PTPRD: variants seen among roughly 807,000 people sequenced by gnomAD.
The protein encoded by PTPRD is protein tyrosine phosphatase receptor type D, also known as receptor-type tyrosine-protein phosphatase delta.
Under a neutral mutation model 214.5 loss-of-function variants are expected in PTPRD, and 34 were observed. That is an observed-to-expected ratio of 0.16 (90% confidence interval 0.12 to 0.21). The LOEUF (loss-of-function observed/expected upper bound fraction) is 0.21, where lower values mean the gene tolerates loss of function less well. Among genes scored for constraint, PTPRD ranks in the 10% least tolerant of loss-of-function variants. The pLI is 1.00. For synonymous variants in PTPRD, 1,128 were observed against 845.7 expected (o/e 1.33, Z -5.79); for missense variants, 2,545 against 2,398.7 (o/e 1.06, Z -1.27).
intron 3 of PTPRD, among the ~76,000 whole-genome samples, chr9:10,107,324 C>T (rs991540588): frequency 6.6e-6 from 1 of 151,716 alleles, no homozygotes; most frequent in African/African-American, 2.4e-5. Context: ...GAAGAGGAGG[C>T]GCCAACAAAA....
chr9:9,939,787 A>G (rs2090877881), intron 4 of PTPRD, among the ~76,000 whole-genome samples: 1 of 152,112 alleles, frequency 6.6e-6, no homozygotes, highest in South Asian at 2.1e-4. Flanking sequence ...AGTTTTTTCT[A>G]TGCAGTACGA....
intron 9 of PTPRD, among the ~76,000 whole-genome samples, chr9:9,210,004 T>G (rs2099947495): frequency 6.6e-6 from 1 of 152,144 alleles, no homozygotes; most frequent in Non-Finnish European, 1.5e-5. Flanking sequence ...CGCAGTAGAT[T>G]TGTGTCCTAA....
intron 9 of PTPRD, among the ~76,000 whole-genome samples, chr9:9,362,721 C>T (rs2056626144): frequency 6.6e-6 from 1 of 151,206 alleles, no homozygotes; most frequent in South Asian, 2.1e-4. Flanking sequence ...TCTTTAAAAT[C>T]TATAATACTT....
At chr9:8,821,326 C>G (rs1258367501) in intron 11 of PTPRD, among the ~76,000 whole-genome samples, 1 of 152,110 alleles carries the variant, frequency 6.6e-6, no homozygotes, top group Non-Finnish European at 1.5e-5. Context: ...CTCATGGCTT[C>G]TTCAGAAGGC....
intron 3 of PTPRD, among the ~76,000 whole-genome samples, chr9:10,278,596 T>C (rs1349048501): frequency 2.0e-5 from 3 of 152,116 alleles, no homozygotes; most frequent in South Asian, 2.1e-4. Flanking sequence ...AAGTTCTATC[T>C]CCTGATCTAG....
intron 5 of PTPRD, among the ~76,000 whole-genome samples, chr9:9,869,760 T>A: frequency 6.7e-6 from 1 of 150,326 alleles, no homozygotes; most frequent in African/African-American, 2.5e-5. Context: ...ACAAAAACAG[T>A]TTTCAACAAG....
At position 9,275,068 on chromosome 9, in the gene PTPRD, A is replaced by T. The variant is rs548065242; in HGVS notation, c.-202-91705T>A. ...CCATATATATATGTATATATATATT[A>T]TATATATATATATAATATATATGTT... On this transcript the variant is annotated intron_variant, in intron 9 of 45. Coordinates refer to ENST00000381196, the MANE Select transcript of PTPRD (RefSeq NM_002839.4). Among the ~76,000 whole-genome samples the T allele has an allele frequency of 2.9e-3, 191 of 65,788 alleles. 2 individuals carry two copies. Among genetic ancestry groups the T allele is most frequent in the African/African-American group, 9.7e-3 (175 of 18,090 alleles). The allele number at this position is 65,788 out of a possible 152,430, so 43.2% of individuals were successfully genotyped here. A position where few individuals can be genotyped will look rare whatever the true frequency, so the allele number is the denominator to read the frequency against.
At chr9:10,381,455 A>G (rs1035499860) in intron 2 of PTPRD, among the ~76,000 whole-genome samples, 5 of 152,014 alleles carry the variant, frequency 3.3e-5, no homozygotes, top group African/African-American at 9.7e-5. Flanking sequence ...CATGCTTTCA[A>G]TAGAGTGAAA....
At chr9:10,166,341 C>A (rs768757626) in intron 3 of PTPRD, among the ~76,000 whole-genome samples, 5 of 150,188 alleles carry the variant, frequency 3.3e-5, no homozygotes, top group Non-Finnish European at 3.0e-5. Context: ...ATTAACTGAA[C>A]AAAGCACTTG....
chr9:10,478,836 C>G (rs1287106114), intron 2 of PTPRD, among the ~76,000 whole-genome samples: 1 of 151,686 alleles, frequency 6.6e-6, no homozygotes, highest in Non-Finnish European at 1.5e-5. Flanking sequence ...CTTATGATAA[C>G]TGAAACTGAA....
intron 11 of PTPRD, among the ~76,000 whole-genome samples, chr9:8,959,936 TG>T (rs1360683437): frequency 6.6e-6 from 1 of 152,116 alleles, no homozygotes; most frequent in East Asian, 1.9e-4. Context: ...TCACCTATCA[TG>T]TGACAAGTGT....
At chr9:9,591,934 T>C (rs566226364) in intron 7 of PTPRD, among the ~76,000 whole-genome samples, 338 of 152,186 alleles carry the variant, frequency 2.2e-3, no homozygotes, top group African/African-American at 7.7e-3. Flanking sequence ...TGTAATTTTG[T>C]ACCCAATCAC....
chr9:9,125,141 T>G (rs2099827030), intron 10 of PTPRD, among the ~76,000 whole-genome samples: 1 of 152,156 alleles, frequency 6.6e-6, no homozygotes, highest in Non-Finnish European at 1.5e-5. Context: ...TATCTGAGCC[T>G]GGATTTCTCA....
intron 27 of PTPRD, 145 bp downstream of exon 27, chr9:8,492,715 TTA>T: frequency 2.2e-6 from 1 of 458,760 alleles, no homozygotes; most frequent in Non-Finnish European, 3.8e-6. Context: ...TTTTTTTTTT[TTA>T]CCCCTGAACT....
intron 9 of PTPRD, among the ~76,000 whole-genome samples, chr9:9,253,817 C>T (rs73388901): frequency 0.064 from 9,752 of 152,136 alleles, 348 homozygotes; most frequent in South Asian, 0.083. Context: ...TAAGTTAAAA[C>T]AGCAGAAGTT....
At chr9:9,215,139 T>A (rs770745034) in intron 9 of PTPRD, among the ~76,000 whole-genome samples, 2 of 152,202 alleles carry the variant, frequency 1.3e-5, no homozygotes, top group Non-Finnish European at 2.9e-5. Flanking sequence ...CCTAGCAAAA[T>A]TGGTCCATGT....
rs376886239 is a variant in PTPRD, at chr9:8,858,772, G to A, written c.-103-124826C>T. On this transcript the variant is annotated intron_variant, in intron 11 of 45. Transcript: ENST00000381196. Reference sequence around the variant, plus strand: ...AGAGAGCCGGATAAAGGAGGGGCAGGCAGGAGAGGTGGGTGAAGGAGGCAA... The same window carrying A: ...AGAGAGCCGGATAAAGGAGGGGCAGACAGGAGAGGTGGGTGAAGGAGGCAA... Among the ~76,000 whole-genome samples, 13 of 150,472 alleles carry A rather than the reference G, an allele frequency of 8.6e-5. No homozygotes were observed. In the East Asian group the frequency reaches 2.4e-3, roughly 28 times the overall value.
At chr9:9,314,999 A>T (rs1345690895) in intron 9 of PTPRD, among the ~76,000 whole-genome samples, 1 of 151,896 alleles carries the variant, frequency 6.6e-6, no homozygotes, top group African/African-American at 2.4e-5. Context: ...ATACAATCTC[A>T]TCACCAAATA....
chr9:8,973,291 C>T (rs184950830), intron 11 of PTPRD, among the ~76,000 whole-genome samples: 1 of 152,052 alleles, frequency 6.6e-6, no homozygotes, highest in African/African-American at 2.4e-5. Context: ...ATGTTTAGCT[C>T]CCATTTATAG....
Sources: gnomAD v4.1 joint callset for allele counts (sites outside exome capture counted in the v4.1 genomes callset) on GRCh38, gnomAD v4.1.1 for gene constraint, MANE v1.5 for transcripts, NCBI Gene and HGNC (gene_info 2026-07-23, HGNC 2026-07-21) for gene names.